Variants in UNC5B observed in about 807,000 individuals in gnomAD.
UNC5B encodes unc-5 netrin receptor B, also known as netrin receptor UNC5B.
In UNC5B, 56 loss-of-function variants were observed where a neutral mutation model predicts 103.7. That is an observed-to-expected ratio of 0.54 (90% CI 0.44 to 0.67). UNC5B has a LOEUF of 0.67. UNC5B is among the 30% of genes least tolerant of loss of function. The pLI is 0.00. For missense variants in UNC5B, 1,194 were observed against 1,284.5 expected (o/e 0.93, Z 1.08); for synonymous variants, 577 against 542.0 (o/e 1.06, Z -0.90).
At chr10:71,215,623 C>A (rs1425158124) in intron 1 of UNC5B, among the ~76,000 whole-genome samples, 1 of 152,162 alleles carries the variant, frequency 6.6e-6, no homozygotes, top group Non-Finnish European at 1.5e-5. Flanking sequence ...CAGAAAAGGC[C>A]ACTTCAAAAG....
At chr10:71,270,216 G>A (rs180679399) in intron 1 of UNC5B, among the ~76,000 whole-genome samples, 156 of 152,132 alleles carry the variant, frequency 1.0e-3, no homozygotes, top group Admixed American at 2.6e-3. Flanking sequence ...TGGGCGTGGT[G>A]GTATGTGCCT....
intron 1 of UNC5B, among the ~76,000 whole-genome samples, chr10:71,225,507 G>A (rs181215957): frequency 2.6e-4 from 40 of 152,318 alleles, no homozygotes; most frequent in Non-Finnish European, 4.0e-4. Flanking sequence ...ATCCCAGAGC[G>A]GAGGAGGCCC....
rs889068099 is a variant in UNC5B at position 71,224,379 on chromosome 10, A to G, written c.79+11315A>G. Among the ~76,000 whole-genome samples the G allele has an allele frequency of 5.3e-4, 79 of 150,040 alleles. 1 individual carries two copies. The highest frequency in any genetic ancestry group is 2.1e-3 in the South Asian group (10 of 4,728). ...TCTGTATGTAGACACACACACACAC[A>G]CACACACACACACACACACACACAC... is the stretch of plus-strand genomic sequence containing the variant. On this transcript the variant is annotated intron_variant, in intron 1 of 16. Coordinates refer to ENST00000335350, the MANE Select transcript of UNC5B (RefSeq NM_170744.5).
intron 4 of UNC5B, among the ~76,000 whole-genome samples, chr10:71,286,041 C>G (rs770449029): frequency 6.6e-6 from 1 of 152,230 alleles, no homozygotes; most frequent in Non-Finnish European, 1.5e-5. Context: ...CCAGCCCAAA[C>G]CCTCCTCTGC....
chr10:71,287,543 G>A (rs1845121618), intron 5 of UNC5B, 55 bp from the exon 6 acceptor site: 2 of 1,530,646 alleles, frequency 1.3e-6, no homozygotes, highest in Middle Eastern at 2.4e-4. Context: ...CGGGTTTGGG[G>A]GAGGGCAGAG....
Position 71,278,462 on chromosome 10 carries a change from G to A in UNC5B, c.80-1359G>A, listed in dbSNP as rs115381899. 5.9e-3 allele frequency among the ~76,000 whole-genome samples: 886 copies of A among 150,512 alleles called. 4 individuals are homozygous for A. Among genetic ancestry groups the A allele is most frequent in the African/African-American group, 0.019 (799 of 41,206 alleles). ...TCTTGTTAGCTACCCCACCCCCACC[G>A]CCCGTACACACACTGCCCAGGGCCT... On this transcript the variant is annotated intron_variant, in intron 1 of 16. Coordinates refer to ENST00000335350, the MANE Select transcript of UNC5B (RefSeq NM_170744.5).
At chr10:71,292,955 C>G (rs749458779) in intron 11 of UNC5B, among the ~76,000 whole-genome samples, 1 of 152,168 alleles carries the variant, frequency 6.6e-6, no homozygotes, top group Non-Finnish European at 1.5e-5. Context: ...AAAACCACCA[C>G]AAGGTATACT....
At chr10:71,284,656 G>C (rs10762434) in intron 2 of UNC5B, 64 bp from the exon 3 acceptor site, 1,200,981 of 1,602,784 alleles carry the variant, frequency 0.75, 456,750 homozygotes, top group Non-Finnish European at 0.78. Context: ...AAGGCCGGGG[G>C]TGTCCTGTGC....
At chr10:71,256,901 G>A (rs918400271) in intron 1 of UNC5B, among the ~76,000 whole-genome samples, 8 of 152,246 alleles carry the variant, frequency 5.3e-5, no homozygotes, top group African/African-American at 1.9e-4. Flanking sequence ...CAAGAACACG[G>A]CAGCCGGTGT....
chr10:71,265,256 A>C (rs1844497998), intron 1 of UNC5B, among the ~76,000 whole-genome samples: 1 of 152,162 alleles, frequency 6.6e-6, no homozygotes, highest in African/African-American at 2.4e-5. Context: ...ACTAAAGGGA[A>C]AGGTGGTTCT....
At chr10:71,294,031 C>T (rs1239443529) in intron 13 of UNC5B, 98 bp downstream of exon 13, 15 of 1,102,550 alleles carry the variant, frequency 1.4e-5, no homozygotes, top group Admixed American at 2.7e-5. Context: ...TCCCAGGAAC[C>T]CCTCCCCGCC....
At chr10:71,224,214 C>G (rs1464494093) in intron 1 of UNC5B, among the ~76,000 whole-genome samples, 1 of 151,712 alleles carries the variant, frequency 6.6e-6, no homozygotes, top group African/African-American at 2.4e-5. Context: ...TGGTCCATCC[C>G]ACTTCTGTAT....
chr10:71,288,412 A>T (rs1176756033), intron 6 of UNC5B, among the ~76,000 whole-genome samples, 156 bp from the exon 7 acceptor site: 1 of 151,930 alleles, frequency 6.6e-6, no homozygotes, highest in African/African-American at 2.4e-5. Context: ...TATCATGTGG[A>T]TTTCTCTGTG....
intron 1 of UNC5B, among the ~76,000 whole-genome samples, chr10:71,277,522 G>GTCT: frequency 6.6e-6 from 1 of 152,356 alleles, no homozygotes; most frequent in East Asian, 1.9e-4. Context: ...AGAGCTGTCT[G>GTCT]GCCTGGCAGG....
chr10:71,239,317 C>G (rs1012925250), intron 1 of UNC5B, among the ~76,000 whole-genome samples: 8 of 152,094 alleles, frequency 5.3e-5, no homozygotes, highest in Non-Finnish European at 1.2e-4. Context: ...GAGGTGACGC[C>G]CCACCCCCAG....
intron 1 of UNC5B, among the ~76,000 whole-genome samples, chr10:71,278,171 G>A (rs188630217): frequency 3.3e-4 from 50 of 152,282 alleles, no homozygotes; most frequent in African/African-American, 1.2e-3. Context: ...GCCAGAATTC[G>A]ATAAGTTAAC....
intron 1 of UNC5B, among the ~76,000 whole-genome samples, chr10:71,274,705 G>A (rs1042881918): frequency 1.3e-5 from 2 of 152,154 alleles, no homozygotes; most frequent in Non-Finnish European, 2.9e-5. Flanking sequence ...CCCATCCAGA[G>A]GTGCTGGTGG....
chr10:71,256,998 G>A (rs891950524), intron 1 of UNC5B, among the ~76,000 whole-genome samples: 1 of 152,172 alleles, frequency 6.6e-6, no homozygotes, highest in Admixed American at 6.5e-5. Flanking sequence ...TCATGGTCAG[G>A]GATTAAAGAG....
At chr10:71,290,826 G>T in intron 8 of UNC5B, 89 bp from the exon 9 acceptor site, 2 of 1,472,784 alleles carry the variant, frequency 1.4e-6, no homozygotes, top group Non-Finnish European at 1.8e-6. Flanking sequence ...TTGGCCCTGG[G>T]CCCTGCCCTT....
Sources: gnomAD v4.1 joint callset for allele counts (sites outside exome capture counted in the v4.1 genomes callset) on GRCh38, gnomAD v4.1.1 for gene constraint, MANE v1.5 for transcripts, NCBI Gene and HGNC (gene_info 2026-07-23, HGNC 2026-07-21) for gene names.